The following ERC2 variants were observed in gnomAD, a reference collection of about 807,000 sequenced individuals.
ERC2 encodes ERC protein 2.
A neutral mutation model predicts 114.8 loss-of-function variants in ERC2; 42 were observed. The ratio of observed to expected loss-of-function variants is 0.37; its 90% CI spans 0.29 to 0.47. The LOEUF is 0.47. Among genes scored for constraint, ERC2 ranks in the 20% least tolerant of loss-of-function variants. The pLI is 0.99. For synonymous variants in ERC2, 454 were observed against 425.5 expected, an observed-to-expected ratio of 1.07 and a Z score of -0.82; for missense variants, 939 against 1,150.7, an observed-to-expected ratio of 0.82 and a Z score of 2.66.
At chr3:56,051,417 A>G (rs2075758368) in intron 7 of ERC2, among the ~76,000 whole-genome samples, 1 of 152,152 alleles carries the variant, frequency 6.6e-6, no homozygotes, top group African/African-American at 2.4e-5. Flanking sequence ...TTTTAGAAAA[A>G]AAGGGGGTGG....
At chr3:55,827,869 C>A (rs529360722) in intron 14 of ERC2, among the ~76,000 whole-genome samples, 2 of 152,308 alleles carry the variant, frequency 1.3e-5, no homozygotes, top group South Asian at 4.1e-4. Flanking sequence ...AAATACAAAG[C>A]CCCTCATGAG....
At chr3:55,972,470 C>T (rs1338853658) in intron 12 of ERC2, among the ~76,000 whole-genome samples, 1 of 152,124 alleles carries the variant, frequency 6.6e-6, no homozygotes, top group Non-Finnish European at 1.5e-5. Flanking sequence ...ATGTTCTCCT[C>T]CCTGTGTCCA....
At chr3:56,298,370 C>T (rs559123365) in intron 2 of ERC2, among the ~76,000 whole-genome samples, 26 of 152,156 alleles carry the variant, frequency 1.7e-4, no homozygotes, top group African/African-American at 5.8e-4. Context: ...TTCCATTGAA[C>T]GAATATACCA....
At chr3:55,516,375 G>C (rs962766481) in intron 17 of ERC2, among the ~76,000 whole-genome samples, 1 of 152,132 alleles carries the variant, frequency 6.6e-6, no homozygotes, top group Non-Finnish European at 1.5e-5. Context: ...TGTGATCAAA[G>C]TGGCAACAAA....
chr3:55,571,114 G>A (rs1264577675), intron 17 of ERC2, among the ~76,000 whole-genome samples: 5 of 120,722 alleles, frequency 4.1e-5, no homozygotes, highest in Non-Finnish European at 6.5e-5. Flanking sequence ...GCAACAGAGC[G>A]AGACTCCGTC....
chr3:55,760,892 C>A lies in ERC2; in HGVS notation c.2565-25974G>T, dbSNP rs145168369. ...TTGATTTGTTTCTAGAATAGGAGAG[C>A]CTAAAGGGCATGACATAAACCTGTG... is the stretch of plus-strand genomic sequence containing the variant. On this transcript the variant is annotated intron_variant, in intron 14 of 17. Transcript: ENST00000288221. Among the ~76,000 whole-genome samples the A allele has an allele frequency of 2.2e-3, 332 of 152,068 alleles. 1 individual carries two copies. Among genetic ancestry groups the A allele is most frequent in the African/African-American group, 7.6e-3 (315 of 41,456 alleles).
At chr3:56,332,408 A>G (rs2057666712) in intron 2 of ERC2, among the ~76,000 whole-genome samples, 1 of 152,298 alleles carries the variant, frequency 6.6e-6, no homozygotes, top group East Asian at 1.9e-4. Context: ...ATTTACTCCT[A>G]TCAGTTCTAT....
intron 7 of ERC2, among the ~76,000 whole-genome samples, chr3:56,031,907 T>G (rs1291621963): frequency 6.6e-6 from 1 of 152,226 alleles, no homozygotes; most frequent in Non-Finnish European, 1.5e-5. Flanking sequence ...ATGTTGAAAT[T>G]TGATCCTCAA....
chr3:56,289,951 C>T (rs1188042533), intron 3 of ERC2, among the ~76,000 whole-genome samples: 2 of 152,168 alleles, frequency 1.3e-5, no homozygotes, highest in African/African-American at 2.4e-5. Context: ...CTGTGTAATA[C>T]ACATGATGAC....
At chr3:56,151,753 T>C (rs1020625680) in intron 4 of ERC2, among the ~76,000 whole-genome samples, 1 of 152,178 alleles carries the variant, frequency 6.6e-6, no homozygotes, top group African/African-American at 2.4e-5. Context: ...TATCAAGTCC[T>C]GATGTGGCTG....
chr3:56,348,897 AAGGAAGGAAAGAAG>A (rs1560642294), intron 2 of ERC2, among the ~76,000 whole-genome samples: 13,759 of 65,572 alleles, frequency 0.21, 1,057 homozygotes, highest in Non-Finnish European at 0.3. Flanking sequence ...GGAAGGAAGG[AAGGAAGGAAAGAAG>A]GAAGGAAGGA....
At chr3:56,407,229 A>G (rs762293006) in intron 2 of ERC2, among the ~76,000 whole-genome samples, 5 of 152,152 alleles carry the variant, frequency 3.3e-5, no homozygotes, top group Non-Finnish European at 7.3e-5. Context: ...TCCAAGTTTT[A>G]TTTAAAGCTT....
At chr3:55,647,573 A>C (rs1012241977) in intron 17 of ERC2, among the ~76,000 whole-genome samples, 2 of 152,178 alleles carry the variant, frequency 1.3e-5, no homozygotes, top group African/African-American at 4.8e-5. Flanking sequence ...GCCAAGGAAA[A>C]TTAAAAAAAG....
chr3:56,138,487 T>C (rs565989517), intron 6 of ERC2, among the ~76,000 whole-genome samples: 2 of 152,382 alleles, frequency 1.3e-5, no homozygotes, highest in East Asian at 1.9e-4. Flanking sequence ...GTCAGGTTCA[T>C]GCTAAGACCT....
chr3:56,355,525 T>C (rs1444487680), intron 2 of ERC2, among the ~76,000 whole-genome samples: 1 of 152,052 alleles, frequency 6.6e-6, no homozygotes, highest in African/African-American at 2.4e-5. Flanking sequence ...TTGCCCACAC[T>C]GGTCTTGAAT....
intron 7 of ERC2, among the ~76,000 whole-genome samples, chr3:56,032,351 G>C (rs1401911960): frequency 6.6e-6 from 1 of 152,170 alleles, no homozygotes; most frequent in Non-Finnish European, 1.5e-5. Flanking sequence ...TCCTTGGAAA[G>C]TACCAACTCA....
intron 4 of ERC2, among the ~76,000 whole-genome samples, chr3:56,162,409 G>T (rs2082095673): frequency 6.6e-6 from 1 of 152,088 alleles, no homozygotes; most frequent in South Asian, 2.1e-4. Context: ...AGTTAGGGAG[G>T]AGTCCGTGTT....
intron 13 of ERC2, among the ~76,000 whole-genome samples, chr3:55,896,038 C>T (rs147742494): frequency 2.2e-4 from 34 of 152,230 alleles, no homozygotes; most frequent in African/African-American, 6.0e-4. Flanking sequence ...TCAGGTTCTG[C>T]GCTGGTATAG....
At chr3:56,419,549 A>G (rs1163991086) in intron 2 of ERC2, among the ~76,000 whole-genome samples, 1 of 152,210 alleles carries the variant, frequency 6.6e-6, no homozygotes, top group Non-Finnish European at 1.5e-5. Context: ...TTACCAATGT[A>G]CATACCCTTT....
Sources: gnomAD v4.1 joint callset for allele counts (sites outside exome capture counted in the v4.1 genomes callset) on GRCh38, gnomAD v4.1.1 for gene constraint, MANE v1.5 for transcripts, NCBI Gene and HGNC (gene_info 2026-07-23, HGNC 2026-07-21) for gene names.